The following C2orf76 variants were observed in gnomAD, a reference collection of about 807,000 sequenced individuals.
C2orf76 encodes chromosome 2 open reading frame 76, also known as UPF0538 protein C2orf76.
In C2orf76, 23 loss-of-function variants were observed where a neutral mutation model predicts 16.9. The ratio of observed to expected loss-of-function variants is 1.36; its 90% CI spans 0.98 to 1.93. The LOEUF is 1.93. Ranked by LOEUF, C2orf76 falls within the 30% of genes most tolerant of loss-of-function variation. The pLI is 0.00. For missense variants in C2orf76, 152 were observed against 152.6 expected, an observed-to-expected ratio of 1.00 and a Z score of 0.02; for synonymous variants, 48 against 52.3, an observed-to-expected ratio of 0.92 and a Z score of 0.35.
intron 1 of C2orf76, among the ~76,000 whole-genome samples, chr2:119,364,304 T>C (rs1680851431): frequency 6.6e-6 from 1 of 152,294 alleles, no homozygotes; most frequent in East Asian, 1.9e-4. Flanking sequence ...GCCTCTCTAT[T>C]GATTGGCAGG....
intron 1 of C2orf76, among the ~76,000 whole-genome samples, chr2:119,357,895 C>G (rs904751667): frequency 2.6e-5 from 4 of 152,068 alleles, no homozygotes; most frequent in African/African-American, 9.7e-5. Context: ...TCACAGGATA[C>G]AAAATAAACA....
chr2:119,365,104 CAAAAACTA>C (rs997170130), intron 1 of C2orf76, among the ~76,000 whole-genome samples: 2 of 151,966 alleles, frequency 1.3e-5, no homozygotes, highest in African/African-American at 2.4e-5. Context: ...AATTAAAAAA[CAAAAACTA>C]AAAAACTAAA....
At position 119,336,213 on chromosome 2, in the gene C2orf76, G is replaced by A. The variant is rs576189751; in HGVS notation, c.133+3614C>T. ...AGTTTGAGACCAGCCTACCAACATG[G>A]TGAAACCCCATCTCTACTAAAAATA... On this transcript the variant is annotated intron_variant, in intron 2 of 5. Coordinates refer to ENST00000334816, the MANE Select transcript of C2orf76 (RefSeq NM_001322331.2). Among the ~76,000 whole-genome samples, 102 of 151,954 alleles carry A rather than the reference G, an allele frequency of 6.7e-4. 1 individual carries two copies. Among genetic ancestry groups the A allele is most frequent in the South Asian group, 1.7e-3 (8 of 4,814 alleles).
At chr2:119,340,068 C>T (rs1679978125) in intron 1 of C2orf76, 97 bp from the exon 2 acceptor site, 5 of 1,338,662 alleles carry the variant, frequency 3.7e-6, no homozygotes, top group Non-Finnish European at 5.2e-6. Context: ...GGCACCAGCC[C>T]CGCTCTTCCA....
At chr2:119,307,778 G>C (rs1048424063) in intron 5 of C2orf76, among the ~76,000 whole-genome samples, 1 of 152,210 alleles carries the variant, frequency 6.6e-6, no homozygotes, top group Non-Finnish European at 1.5e-5. Flanking sequence ...AGGACAAAAA[G>C]AGGGATTTGC....
chr2:119,358,598 G>T (rs1337986094), intron 1 of C2orf76, among the ~76,000 whole-genome samples: 4 of 137,486 alleles, frequency 2.9e-5, no homozygotes, highest in Non-Finnish European at 6.4e-5. Context: ...AAAAAAAAAA[G>T]GCAAAACAGC....
intron 3 of C2orf76, among the ~76,000 whole-genome samples, chr2:119,319,808 G>A (rs13399809): frequency 0.017 from 2,599 of 152,138 alleles, 69 homozygotes; most frequent in African/African-American, 0.058. Context: ...TTCCACTCCC[G>A]AATACCTAAC....
At chr2:119,337,502 A>G (rs1056914916) in intron 2 of C2orf76, among the ~76,000 whole-genome samples, 1 of 152,170 alleles carries the variant, frequency 6.6e-6, no homozygotes, top group African/African-American at 2.4e-5. Flanking sequence ...ATACAGAGTA[A>G]TGTTTGCTAT....
intron 2 of C2orf76, among the ~76,000 whole-genome samples, chr2:119,335,761 C>G (rs2104594659): frequency 6.6e-6 from 1 of 152,322 alleles, no homozygotes; most frequent in African/African-American, 2.4e-5. Flanking sequence ...ATGTGGAAAG[C>G]ATACACCTCT....
At chr2:119,295,948 C>T in the C2orf76 span, among the ~76,000 whole-genome samples, 1 of 152,146 alleles carries the variant, frequency 6.6e-6, no homozygotes, top group Non-Finnish European at 1.5e-5. Flanking sequence ...ATGACCCTCT[C>T]GCTGACTAAT....
intron 2 of C2orf76, among the ~76,000 whole-genome samples, chr2:119,328,956 C>G (rs533098939): frequency 6.6e-6 from 1 of 152,228 alleles, no homozygotes; most frequent in Admixed American, 6.5e-5. Flanking sequence ...TAGACACTGT[C>G]TAATTTGAAT....
At chr2:119,306,441 G>C (rs1392792963) in intron 5 of C2orf76, among the ~76,000 whole-genome samples, 1 of 152,138 alleles carries the variant, frequency 6.6e-6, no homozygotes, top group Non-Finnish European at 1.5e-5. Context: ...CTGGCTTGCC[G>C]AGAATGCTTC....
chr2:119,337,168 AC>A (rs1477547503), intron 2 of C2orf76, among the ~76,000 whole-genome samples: 11 of 151,198 alleles, frequency 7.3e-5, no homozygotes, highest in Admixed American at 7.3e-4. Context: ...CGATCTTCCC[AC>A]CTCAGCCTCC....
chr2:119,284,161 C>T, the C2orf76 span, among the ~76,000 whole-genome samples: 4 of 152,132 alleles, frequency 2.6e-5, no homozygotes, highest in Non-Finnish European at 2.9e-5. Flanking sequence ...CTCCATGATT[C>T]GCCAGCACCC....
chr2:119,342,228 G>A (rs1045745558), intron 1 of C2orf76, among the ~76,000 whole-genome samples: 8 of 152,154 alleles, frequency 5.3e-5, no homozygotes, highest in East Asian at 1.9e-4. Flanking sequence ...ATACTACCAC[G>A]AGTGGAAAAA....
At chr2:119,300,670 T>G (rs1268834850), downstream of C2orf76, among the ~76,000 whole-genome samples, 1 of 152,244 alleles carries the variant, frequency 6.6e-6, no homozygotes, top group Non-Finnish European at 1.5e-5. Flanking sequence ...AAACATTGCA[T>G]TAGCTTAATC....
intron 4 of C2orf76, among the ~76,000 whole-genome samples, chr2:119,314,800 G>C (rs151283322): frequency 1.3e-5 from 2 of 152,078 alleles, no homozygotes; most frequent in Non-Finnish European, 2.9e-5. Flanking sequence ...CTGATTTTAC[G>C]CTGTTGTATC....
chr2:119,297,091 A>G, the C2orf76 span, among the ~76,000 whole-genome samples: 1 of 152,264 alleles, frequency 6.6e-6, no homozygotes, highest in Non-Finnish European at 1.5e-5. Flanking sequence ...AAGACATGTA[A>G]TAAGTGCTCA....
chr2:119,361,855 A>G (rs1325428937), intron 1 of C2orf76, among the ~76,000 whole-genome samples: 2 of 152,220 alleles, frequency 1.3e-5, no homozygotes, highest in Admixed American at 6.5e-5. Context: ...TTTTTGAACA[A>G]CATTGCCCTT....
Sources: allele counts gnomAD v4.1 joint callset (sites outside exome capture counted in the v4.1 genomes callset), GRCh38; gene constraint gnomAD v4.1.1; transcripts MANE v1.5; gene names NCBI Gene and HGNC (gene_info 2026-07-23, HGNC 2026-07-21).